Variants in TMCO5A observed in about 807,000 individuals in gnomAD.
The protein encoded by TMCO5A is transmembrane and coiled-coil domain-containing protein 5A.
Under a neutral mutation model 42.3 loss-of-function variants are expected in TMCO5A, and 34 were observed. The observed-to-expected ratio is 0.80, with a 90% CI of 0.61 to 1.07. The LOEUF (loss-of-function observed/expected upper bound fraction) is 1.07. Among genes scored for constraint, TMCO5A ranks in the 50% least tolerant of loss-of-function variants. The pLI is 0.00. For synonymous variants in TMCO5A, 131 were observed against 115.6 expected, an observed-to-expected ratio of 1.13 and a Z score of -0.86; for missense variants, 357 against 327.9, an observed-to-expected ratio of 1.09 and a Z score of -0.69.
At chr15:38,010,425 T>TCTCACACACACACACACACA in the TMCO5A span, among the ~76,000 whole-genome samples, 1,197 of 117,434 alleles carry the variant, frequency 0.01, 19 homozygotes, top group Middle Eastern at 0.022. Context: ...CAGAGGGAGA[T>TCTCACACACACACACACACA]CACACACACA....
chr15:38,008,784 T>A, the TMCO5A span, among the ~76,000 whole-genome samples: 1 of 152,134 alleles, frequency 6.6e-6, no homozygotes, highest in Non-Finnish European at 1.5e-5. Flanking sequence ...CAAAGTGTGG[T>A]TGGAATCAAG....
the TMCO5A span, among the ~76,000 whole-genome samples, chr15:37,984,450 C>T: frequency 6.6e-6 from 1 of 152,112 alleles, no homozygotes; most frequent in Non-Finnish European, 1.5e-5. Context: ...TTCTAAACAG[C>T]GCTGCAACAT....
In TMCO5A at chr15:37,936,365, C is replaced by A. The variant is rs894656210; in HGVS notation, c.42C>A (p.Ile14=). The A allele has an allele frequency of 2.5e-6, 4 of 1,612,672 alleles. No individual in the cohort carries two copies. In the South Asian group the frequency reaches 3.3e-5, roughly 13 times the overall value. Residue 14 remains isoleucine (I), a synonymous_variant, in exon 3 of 12, where the codon ATC becomes ATA. Coordinates refer to ENST00000319669, the MANE Select transcript of TMCO5A (RefSeq NM_152453.4). ...TGGCTCAGTCAAAAAGAAACATTAT[C>A]AGTTTGAACATGGACCTTGAAAGGG... The part of the protein sequence containing the change: ...SRLAQSKRNI[I]SLNMDLERDT...
At chr15:38,013,912 T>G in the TMCO5A span, among the ~76,000 whole-genome samples, 18 of 152,274 alleles carry the variant, frequency 1.2e-4, no homozygotes, top group African/African-American at 4.3e-4. Flanking sequence ...GGGAAGAATC[T>G]GTTTCTATTT....
the TMCO5A span, among the ~76,000 whole-genome samples, chr15:37,983,067 T>C: frequency 1.3e-5 from 2 of 152,230 alleles, no homozygotes; most frequent in Admixed American, 1.3e-4. Context: ...CCAGTAAAAC[T>C]AAAGTTTGGG....
chr15:38,002,473 A>C, the TMCO5A span, among the ~76,000 whole-genome samples: 24 of 151,852 alleles, frequency 1.6e-4, no homozygotes, highest in Admixed American at 1.2e-3. Flanking sequence ...TAAGGCCAAT[A>C]ACTTTTAGGT....
At chr15:37,971,666 T>C (rs1299299749), downstream of TMCO5A, among the ~76,000 whole-genome samples, 1 of 152,196 alleles carries the variant, frequency 6.6e-6, no homozygotes. Context: ...TCTTTAATGC[T>C]TTGCTGCCTA....
chr15:37,979,452 C>G, the TMCO5A span, among the ~76,000 whole-genome samples: 1 of 152,084 alleles, frequency 6.6e-6, no homozygotes, highest in East Asian at 1.9e-4. Flanking sequence ...CCCTGCCACA[C>G]GACAGATCAA....
chr15:38,040,474 T>C, the TMCO5A span: 2 of 152,174 alleles, frequency 1.3e-5, no homozygotes, highest in Non-Finnish European at 2.9e-5. Flanking sequence ...TAAAAATATA[T>C]GTCCGTGCAA....
At chr15:38,015,591 G>T in the TMCO5A span, among the ~76,000 whole-genome samples, 1 of 152,132 alleles carries the variant, frequency 6.6e-6, no homozygotes, top group East Asian at 1.9e-4. Context: ...CACACAAAAG[G>T]TGTTTTCACA....
chr15:37,936,215 G>C, intron 2 of TMCO5A, 99 bp from the exon 3 acceptor site: 1 of 1,367,334 alleles, frequency 7.3e-7, no homozygotes, highest in Non-Finnish European at 9.9e-7. Flanking sequence ...GAGAGAGTAA[G>C]GTTAATAAAC....
chr15:37,989,750 T>C, the TMCO5A span, among the ~76,000 whole-genome samples: 8 of 152,054 alleles, frequency 5.3e-5, no homozygotes, highest in Non-Finnish European at 7.4e-5. Context: ...AATATCAAGG[T>C]GCCAGAATCT....
At chr15:37,945,061 G>C (rs529226143) in intron 10 of TMCO5A, among the ~76,000 whole-genome samples, 1 of 151,992 alleles carries the variant, frequency 6.6e-6, no homozygotes, top group East Asian at 1.9e-4. Context: ...AGTGTGTGTT[G>C]TTCCCCTGCA....
intron 10 of TMCO5A, among the ~76,000 whole-genome samples, chr15:37,947,050 T>G (rs1233522909): frequency 6.6e-6 from 1 of 152,124 alleles, no homozygotes; most frequent in African/African-American, 2.4e-5. Context: ...TTATTGAGAG[T>G]TTTTAAAATT....
At chr15:37,989,505 T>G in the TMCO5A span, among the ~76,000 whole-genome samples, 1 of 152,084 alleles carries the variant, frequency 6.6e-6, no homozygotes, top group Non-Finnish European at 1.5e-5. Context: ...GTTTTCATTT[T>G]CATTTGTCTC....
the TMCO5A span, among the ~76,000 whole-genome samples, chr15:38,016,808 A>T: frequency 3.3e-5 from 5 of 152,226 alleles, no homozygotes; most frequent in African/African-American, 1.2e-4. Context: ...CAAAAAGTTT[A>T]TCTGGGTTTA....
chr15:37,966,461 T>G (rs374978889), intron 11 of TMCO5A, among the ~76,000 whole-genome samples: 1 of 152,204 alleles, frequency 6.6e-6, no homozygotes, highest in African/African-American at 2.4e-5. Flanking sequence ...ACTCATCGCA[T>G]GCCTGTTTCA....
At chr15:37,975,560 C>T in the TMCO5A span, among the ~76,000 whole-genome samples, 3 of 151,062 alleles carry the variant, frequency 2.0e-5, 1 homozygote, top group Non-Finnish European at 1.5e-5. Flanking sequence ...ACAGCAACCC[C>T]TGCTTTTTCC....
At chr15:37,936,712 A>G in intron 3 of TMCO5A, 135 bp from the exon 4 acceptor site, 2 of 1,295,776 alleles carry the variant, frequency 1.5e-6, no homozygotes, top group African/African-American at 1.5e-5. Flanking sequence ...TGCTTTATGG[A>G]TTCAGTAAGG....
Sources: gnomAD v4.1 joint callset for allele counts (sites outside exome capture counted in the v4.1 genomes callset) on GRCh38, gnomAD v4.1.1 for gene constraint, MANE v1.5 for transcripts, NCBI Gene and HGNC (gene_info 2026-07-23, HGNC 2026-07-21) for gene names.